Variants in TNFAIP8 observed in about 807,000 individuals in gnomAD.
TNFAIP8 encodes tumor necrosis factor alpha-induced protein 8.
A neutral mutation model predicts 13.3 loss-of-function variants in TNFAIP8; 7 were observed. The ratio of observed to expected loss-of-function variants is 0.52; its 90% CI spans 0.30 to 0.99. The LOEUF (loss-of-function observed/expected upper bound fraction) is 0.99, where lower values mean the gene tolerates loss of function less well. Ranked by LOEUF, TNFAIP8 falls within the 50% of genes least tolerant of loss-of-function variation. TNFAIP8 has a pLI of 0.07. For missense variants in TNFAIP8, 258 were observed against 236.9 expected (o/e 1.09, Z -0.58); for synonymous variants, 94 against 87.6 (o/e 1.07, Z -0.41).
At chr5:119,355,676 G>A (rs1403391438), upstream of TNFAIP8, 1 of 365,012 alleles carries the variant, frequency 2.7e-6, no homozygotes, top group African/African-American at 2.1e-5. Context: ...TCTGAGATGA[G>A]ACTTTTTTTT....
chr5:119,295,895 G>A (rs796659440), intron 1 of TNFAIP8, among the ~76,000 whole-genome samples: 33 of 151,504 alleles, frequency 2.2e-4, no homozygotes, highest in South Asian at 8.4e-4. Flanking sequence ...TGAAGCAATT[G>A]TGAATGGGAG....
upstream of TNFAIP8, among the ~76,000 whole-genome samples, chr5:119,352,622 G>A (rs965526344): frequency 9.8e-5 from 15 of 152,296 alleles, no homozygotes; most frequent in Middle Eastern, 3.4e-3. Flanking sequence ...TCTAATTTGT[G>A]TGAGTCTGAA....
At chr5:119,282,069 G>C (rs80294454) in intron 1 of TNFAIP8, among the ~76,000 whole-genome samples, 1,559 of 152,280 alleles carry the variant, frequency 0.01, 40 homozygotes, top group African/African-American at 0.036. Context: ...GCACTTTTCA[G>C]AGTATCAACT....
chr5:119,338,984 C>A (rs759053702), intron 1 of TNFAIP8, among the ~76,000 whole-genome samples: 7 of 152,000 alleles, frequency 4.6e-5, no homozygotes, highest in Non-Finnish European at 1.0e-4. Context: ...GAATTTGAGG[C>A]TGCATTGAGC....
chr5:119,372,757 C>G (rs1021941365), intron 1 of TNFAIP8, among the ~76,000 whole-genome samples: 2 of 152,086 alleles, frequency 1.3e-5, no homozygotes, highest in African/African-American at 4.8e-5. Flanking sequence ...GTCAGGAGTT[C>G]GAGACCAGAC....
chr5:119,314,767 A>G (rs1365376718), intron 1 of TNFAIP8, among the ~76,000 whole-genome samples: 3 of 152,264 alleles, frequency 2.0e-5, no homozygotes, highest in African/African-American at 2.4e-5. Context: ...CAATTACTTT[A>G]TCTATAAAAT....
intron 1 of TNFAIP8, among the ~76,000 whole-genome samples, chr5:119,330,106 C>T (rs11956042): frequency 2.0e-5 from 3 of 151,846 alleles, no homozygotes; most frequent in African/African-American, 7.3e-5. Flanking sequence ...GGTTTAGGCA[C>T]GCCATTGAAA....
chr5:119,276,441 T>C (rs1407790773), intron 1 of TNFAIP8, among the ~76,000 whole-genome samples: 1 of 152,112 alleles, frequency 6.6e-6, no homozygotes, highest in Non-Finnish European at 1.5e-5. Context: ...TTTTTTATGG[T>C]TGCCTTTAGT....
At chr5:119,356,150 G>A (rs1364354014) in intron 1 of TNFAIP8, 29 bp downstream of exon 1, 5 of 1,549,694 alleles carry the variant, frequency 3.2e-6, no homozygotes, top group Non-Finnish European at 4.4e-6. Context: ...CTGGGGGCCG[G>A]CCAAGTTCTG....
intron 1 of TNFAIP8, chr5:119,306,226 C>T (rs929156106): frequency 7.9e-5 from 12 of 152,154 alleles, no homozygotes; most frequent in African/African-American, 2.9e-4. Context: ...TTAGGATCTC[C>T]TAGTGAATGT....
At chr5:119,285,149 C>CAGGCGAGCAGGAGG (rs1174364503) in intron 1 of TNFAIP8, among the ~76,000 whole-genome samples, 3 of 152,094 alleles carry the variant, frequency 2.0e-5, no homozygotes, top group Non-Finnish European at 4.4e-5. Context: ...AAGCTCTGGA[C>CAGGCGAGCAGGAGG]AGGCGAGCAG....
chr5:119,274,264 T>C (rs1281683780), intron 1 of TNFAIP8, among the ~76,000 whole-genome samples: 1 of 152,248 alleles, frequency 6.6e-6, no homozygotes, highest in African/African-American at 2.4e-5. Context: ...GAACAAACTT[T>C]GGTCACGTAA....
At chr5:119,315,414 T>C (rs1379682111) in intron 1 of TNFAIP8, among the ~76,000 whole-genome samples, 2 of 152,194 alleles carry the variant, frequency 1.3e-5, no homozygotes, top group Non-Finnish European at 2.9e-5. Flanking sequence ...ATTCCTGAAA[T>C]GGGAGAAGAA....
rs774466636 is a variant in TNFAIP8, at chr5:119,374,127, A to G, written c.31+18006A>G. 5.6e-4 allele frequency among the ~76,000 whole-genome samples: 85 copies of G among 152,340 alleles called. 3 individuals are homozygous for G. The highest frequency in any genetic ancestry group is 2.0e-4 in the Admixed American group (3 of 15,304). ...AAATACATTAAGTAACCATAAGTTA[A>G]AGTAAAATACAGGTAGCGTATCGCT... On this transcript the variant is annotated intron_variant, in intron 1 of 1. Coordinates refer to ENST00000504771, the MANE Select transcript of TNFAIP8 (RefSeq NM_014350.4).
rs1248424562 is a variant in TNFAIP8 at position 119,396,058 on chromosome 5, T to C, written c.*2677T>C. 20 of 152,204 alleles carry C rather than the reference T, an allele frequency of 1.3e-4. No individual in the cohort carries two copies. The highest frequency in any genetic ancestry group is 5.9e-5 in the Non-Finnish European group (4 of 68,038). 9.4% of individuals were successfully genotyped at this position (152,204 alleles called of 1,614,324 possible). A position where few individuals can be genotyped will look rare whatever the true frequency, so the allele number is the denominator to read the frequency against. ...AATTCTGCCACAATCTTCACCATCTTATAGATAAGGAAACTAGGGGAATAG... is the reference window on the plus strand; with the variant it reads ...AATTCTGCCACAATCTTCACCATCTCATAGATAAGGAAACTAGGGGAATAG... On this transcript the variant is annotated 3_prime_UTR_variant, in exon 2 of 2. Transcript: ENST00000504771.
At chr5:119,387,761 G>C (rs1157372146) in intron 1 of TNFAIP8, among the ~76,000 whole-genome samples, 1 of 152,192 alleles carries the variant, frequency 6.6e-6, no homozygotes, top group Non-Finnish European at 1.5e-5. Context: ...AAATGGCCAA[G>C]GGAGGAGATA....
At chr5:119,318,472 T>C (rs1749961832) in intron 1 of TNFAIP8, among the ~76,000 whole-genome samples, 1 of 152,102 alleles carries the variant, frequency 6.6e-6, no homozygotes, top group African/African-American at 2.4e-5. Context: ...TTATTTTTTA[T>C]TTTTGTAGAG....
chr5:119,297,213 G>T (rs1379348289), intron 1 of TNFAIP8, among the ~76,000 whole-genome samples: 2 of 151,960 alleles, frequency 1.3e-5, no homozygotes, highest in African/African-American at 4.8e-5. Context: ...GGCAATTTTG[G>T]ATCTTTCCTG....
chr5:119,355,868 G>A (rs930535565), upstream of TNFAIP8: 4 of 1,136,306 alleles, frequency 3.5e-6, no homozygotes, highest in African/African-American at 1.7e-5. Context: ...TCCGGGGGCG[G>A]ACTCCCGCCG....
Sources: gnomAD v4.1 joint callset for allele counts (sites outside exome capture counted in the v4.1 genomes callset) on GRCh38, gnomAD v4.1.1 for gene constraint, MANE v1.5 for transcripts, NCBI Gene and HGNC (gene_info 2026-07-23, HGNC 2026-07-21) for gene names.